Variants in CNTNAP2 observed in about 807,000 individuals in gnomAD.
CNTNAP2 encodes the protein contactin-associated protein-like 2.
A neutral mutation model predicts 155.2 loss-of-function variants in CNTNAP2; 98 were observed. The ratio of observed to expected loss-of-function variants is 0.63; its 90% CI spans 0.54 to 0.75. The LOEUF (loss-of-function observed/expected upper bound fraction) is 0.75. CNTNAP2 is among the 30% of genes least tolerant of loss of function. CNTNAP2 has a pLI of 0.00. For missense variants in CNTNAP2, 1,727 were observed against 1,688.1 expected, an observed-to-expected ratio of 1.02 and a Z score of -0.40; for synonymous variants, 651 against 631.2, an observed-to-expected ratio of 1.03 and a Z score of -0.47.
chr7:146,121,704 C>A (rs1797565760), intron 1 of CNTNAP2, among the ~76,000 whole-genome samples: 1 of 152,048 alleles, frequency 6.6e-6, no homozygotes, highest in South Asian at 2.1e-4. Context: ...ATATCTGTAC[C>A]AGTATCTGAA....
intron 1 of CNTNAP2, among the ~76,000 whole-genome samples, chr7:146,678,420 AT>A (rs1423194531): frequency 1.1e-4 from 16 of 152,278 alleles, no homozygotes; most frequent in Admixed American, 1.0e-3. Context: ...TAATTTTCAA[AT>A]GCAGTCTTTT....
intron 13 of CNTNAP2, among the ~76,000 whole-genome samples, chr7:147,694,050 T>C (rs10266839): frequency 0.015 from 2,357 of 152,144 alleles, 59 homozygotes; most frequent in African/African-American, 0.054. Context: ...TTATGCTTTG[T>C]TTTTTAATCA....
intron 21 of CNTNAP2, among the ~76,000 whole-genome samples, chr7:148,276,283 C>G (rs1286164533): frequency 2.6e-5 from 4 of 152,120 alleles, no homozygotes; most frequent in African/African-American, 9.7e-5. Flanking sequence ...ATAAAACAAG[C>G]AGGAAAGTAG....
chr7:148,112,062 G>A (rs1262147015), intron 15 of CNTNAP2, among the ~76,000 whole-genome samples: 1 of 152,176 alleles, frequency 6.6e-6, no homozygotes, highest in Non-Finnish European at 1.5e-5. Flanking sequence ...GGTGGGAACA[G>A]AGGAAAGAGA....
intron 8 of CNTNAP2, among the ~76,000 whole-genome samples, chr7:147,268,149 T>C (rs1489260353): frequency 6.6e-6 from 1 of 152,218 alleles, no homozygotes; most frequent in Non-Finnish European, 1.5e-5. Context: ...TGTTTAATGC[T>C]ATGAGATTAG....
At chr7:146,245,258 G>A (rs1474843159) in intron 1 of CNTNAP2, among the ~76,000 whole-genome samples, 10 of 152,124 alleles carry the variant, frequency 6.6e-5, no homozygotes, top group South Asian at 2.1e-4. Context: ...GAATAATGTG[G>A]GAGGCCAGAT....
At chr7:146,880,331 T>C in intron 3 of CNTNAP2, among the ~76,000 whole-genome samples, 1 of 151,936 alleles carries the variant, frequency 6.6e-6, no homozygotes. Flanking sequence ...TCTCTCTTTC[T>C]GCCATTCGAA....
At chr7:147,260,801 G>C (rs1250933869) in intron 8 of CNTNAP2, among the ~76,000 whole-genome samples, 1 of 152,170 alleles carries the variant, frequency 6.6e-6, no homozygotes, top group African/African-American at 2.4e-5. Flanking sequence ...GCTCTTTATG[G>C]ACGCGGAAAT....
At chr7:148,073,846 A>C (rs1473586324) in intron 15 of CNTNAP2, among the ~76,000 whole-genome samples, 2 of 152,092 alleles carry the variant, frequency 1.3e-5, no homozygotes, top group Non-Finnish European at 2.9e-5. Flanking sequence ...AGACACAAAT[A>C]TAGTATTCAC....
intron 17 of CNTNAP2, among the ~76,000 whole-genome samples, chr7:148,158,095 A>G (rs904709992): frequency 6.6e-6 from 1 of 152,026 alleles, no homozygotes; most frequent in Non-Finnish European, 1.5e-5. Context: ...TCCCACTTAC[A>G]GTTGCCATGT....
chr7:146,295,312 GT>G (rs982431543), intron 1 of CNTNAP2, among the ~76,000 whole-genome samples: 5 of 143,696 alleles, frequency 3.5e-5, no homozygotes, highest in East Asian at 1.9e-4. Flanking sequence ...TGCAAAAACT[GT>G]TTTTTTTGGT....
intron 15 of CNTNAP2, among the ~76,000 whole-genome samples, chr7:148,067,415 A>C (rs578197355): frequency 1.0e-3 from 157 of 152,318 alleles, no homozygotes; most frequent in Non-Finnish European, 1.9e-3. Flanking sequence ...CTGACCTGGT[A>C]CTGGGGAGTA....
chr7:148,120,701 C>T (rs1022341352), intron 16 of CNTNAP2, among the ~76,000 whole-genome samples: 1 of 152,206 alleles, frequency 6.6e-6, no homozygotes, highest in Non-Finnish European at 1.5e-5. Flanking sequence ...TTTACTTTCA[C>T]TGTATCCTTT....
intron 1 of CNTNAP2, among the ~76,000 whole-genome samples, chr7:146,123,481 A>C (rs1255605993): frequency 6.6e-6 from 1 of 152,202 alleles, no homozygotes; most frequent in Non-Finnish European, 1.5e-5. Context: ...ACGCACTGTC[A>C]AAATTACTAA....
chr7:146,240,626 C>T (rs1375052104), intron 1 of CNTNAP2, among the ~76,000 whole-genome samples: 1 of 151,594 alleles, frequency 6.6e-6, no homozygotes, highest in Non-Finnish European at 1.5e-5. Context: ...TCACAGTGAC[C>T]TTAGGAGGTA....
chr7:147,701,121 C>T (rs1264032762), intron 13 of CNTNAP2, among the ~76,000 whole-genome samples: 5 of 152,176 alleles, frequency 3.3e-5, no homozygotes, highest in African/African-American at 9.7e-5. Context: ...CTTAGAGATG[C>T]ATTTTGCTAG....
intron 4 of CNTNAP2, among the ~76,000 whole-genome samples, chr7:147,068,058 A>G (rs553529677): frequency 2.0e-5 from 3 of 152,300 alleles, no homozygotes; most frequent in Admixed American, 6.5e-5. Flanking sequence ...TATCGCAGCT[A>G]TAGAACTCAG....
intron 13 of CNTNAP2, among the ~76,000 whole-genome samples, chr7:147,871,388 G>A (rs76282337): frequency 6.6e-6 from 1 of 152,134 alleles, no homozygotes; most frequent in Non-Finnish European, 1.5e-5. Flanking sequence ...CTGGGCTCGG[G>A]CTTTACAAAA....
intron 1 of CNTNAP2, among the ~76,000 whole-genome samples, chr7:146,500,886 C>A (rs1038398736): frequency 3.3e-5 from 5 of 152,000 alleles, no homozygotes; most frequent in African/African-American, 9.7e-5. Context: ...TAGGGTGAGG[C>A]AATTTGCCTC....
Sources: allele counts gnomAD v4.1 joint callset (sites outside exome capture counted in the v4.1 genomes callset), GRCh38; gene constraint gnomAD v4.1.1; transcripts MANE v1.5; gene names NCBI Gene and HGNC (gene_info 2026-07-23, HGNC 2026-07-21).